The following UNC80 variants were observed in gnomAD, a reference collection of about 807,000 sequenced individuals.
UNC80 encodes the protein protein unc-80 homolog.
A neutral mutation model predicts 384.6 loss-of-function variants in UNC80; 164 were observed. The ratio of observed to expected loss-of-function variants is 0.43; its 90% confidence interval spans 0.38 to 0.49. UNC80 has a LOEUF of 0.49. Among genes scored for constraint, UNC80 ranks in the 20% least tolerant of loss-of-function variants. The pLI is 0.00. For synonymous variants in UNC80, 1,486 were observed against 1,527.8 expected (o/e 0.97, Z 0.64); for missense variants, 3,330 against 4,143.0 (o/e 0.80, Z 5.39).
At chr2:209,881,681 T>C (rs1308363719) in intron 25 of UNC80, among the ~76,000 whole-genome samples, 1 of 151,992 alleles carries the variant, frequency 6.6e-6, no homozygotes, top group Non-Finnish European at 1.5e-5. Context: ...TCCTGTGTGG[T>C]ATACCATGAA....
chr2:209,833,428 G>A (rs1048978363), intron 16 of UNC80, among the ~76,000 whole-genome samples: 33 of 152,120 alleles, frequency 2.2e-4, no homozygotes, highest in African/African-American at 7.5e-4. Flanking sequence ...ATAGCCCTAC[G>A]TCACCTTCAG....
At chr2:209,865,338 C>T (rs2083654565) in intron 22 of UNC80, among the ~76,000 whole-genome samples, 1 of 152,102 alleles carries the variant, frequency 6.6e-6, no homozygotes, top group African/African-American at 2.4e-5. Flanking sequence ...CGCGATGGCT[C>T]ATGCCTGTAA....
intron 33 of UNC80, among the ~76,000 whole-genome samples, chr2:209,919,993 A>G (rs928754503): frequency 4.6e-5 from 7 of 152,256 alleles, no homozygotes; most frequent in Admixed American, 4.6e-4. Flanking sequence ...CTGGCTCTGA[A>G]AATGGATTGT....
At chr2:209,787,889 A>C (rs11680964) in intron 5 of UNC80, among the ~76,000 whole-genome samples, 22,327 of 152,100 alleles carry the variant, frequency 0.15, 2,458 homozygotes, top group African/African-American at 0.3. Flanking sequence ...TTAGGCAGGT[A>C]TTTTAGGAGA....
chr2:209,845,704 A>AT (rs1456604521), intron 21 of UNC80, among the ~76,000 whole-genome samples: 1 of 152,198 alleles, frequency 6.6e-6, no homozygotes, highest in South Asian at 2.1e-4. Context: ...GCAAGAGAAT[A>AT]TAGCTTGTAT....
At chr2:209,939,707 T>G in intron 43 of UNC80, 55 bp downstream of exon 43, 1 of 1,437,190 alleles carries the variant, frequency 7.0e-7, no homozygotes, top group Non-Finnish European at 9.2e-7. Context: ...CACTTGTTGT[T>G]TTTTTTTAAA....
At chr2:209,986,508 T>C (rs1486351680) in intron 61 of UNC80, among the ~76,000 whole-genome samples, 1 of 152,228 alleles carries the variant, frequency 6.6e-6, no homozygotes, top group African/African-American at 2.4e-5. Flanking sequence ...AATGGAAATA[T>C]ACACAAAGTT....
At chr2:209,985,650 C>T (rs1187708644) in intron 61 of UNC80, among the ~76,000 whole-genome samples, 1 of 152,210 alleles carries the variant, frequency 6.6e-6, no homozygotes, top group African/African-American at 2.4e-5. Flanking sequence ...AGATAAACCA[C>T]GTCAAACATT....
intron 28 of UNC80, among the ~76,000 whole-genome samples, chr2:209,900,317 C>T (rs2087251616): frequency 6.6e-6 from 1 of 152,110 alleles, no homozygotes; most frequent in African/African-American, 2.4e-5. Context: ...CTTTGTGTCT[C>T]TGTGGCACAT....
chr2:209,992,321 A>G (rs1182996639), intron 62 of UNC80, 74 bp downstream of exon 62: 2 of 1,367,726 alleles, frequency 1.5e-6, no homozygotes, highest in Non-Finnish European at 2.0e-6. Flanking sequence ...ATGCCCATGT[A>G]TATTAAGATA....
intron 36 of UNC80, among the ~76,000 whole-genome samples, chr2:209,928,382 G>A (rs1170351644): frequency 6.6e-6 from 1 of 152,064 alleles, no homozygotes; most frequent in African/African-American, 2.4e-5. Context: ...TATATTTCAT[G>A]TATGTGAAAT....
At chr2:209,862,339 T>G (rs548406921) in intron 22 of UNC80, among the ~76,000 whole-genome samples, 1 of 152,314 alleles carries the variant, frequency 6.6e-6, no homozygotes, top group African/African-American at 2.4e-5. Flanking sequence ...CTATTAGGTC[T>G]GCTTGGTCCA....
chr2:209,938,457 C>T (rs1023675128), intron 42 of UNC80, among the ~76,000 whole-genome samples: 1 of 152,044 alleles, frequency 6.6e-6, no homozygotes, highest in African/African-American at 2.4e-5. Flanking sequence ...TAGAATTAGA[C>T]CACTTAAGTA....
chr2:209,827,004 A>G (rs1401572196), intron 14 of UNC80, among the ~76,000 whole-genome samples: 45 of 151,626 alleles, frequency 3.0e-4, no homozygotes. Flanking sequence ...CTATCTATCT[A>G]TCCTTTTCTG....
intron 35 of UNC80, 127 bp downstream of exon 35, chr2:209,922,510 TA>T (rs979224209): frequency 6.9e-5 from 82 of 1,181,892 alleles, no homozygotes; most frequent in South Asian, 2.4e-4. Flanking sequence ...CTTGACATTC[TA>T]AAAAAAATTA....
chr2:209,834,885 A>T (rs1158386137), intron 17 of UNC80, 27 bp from the exon 18 acceptor site: 1 of 1,522,978 alleles, frequency 6.6e-7, no homozygotes, highest in Non-Finnish European at 8.9e-7. Flanking sequence ...GCTCTGCTGT[A>T]ATTGTTGGAA....
Position 209,820,594 on chromosome 2 carries a change from ATGGAGGAGG to A in UNC80, c.2258_2266del (p.Gly753_Gly755del). The stretch of plus-strand genomic sequence containing the variant: ...GGAGGAGAAGAAGGAGGAGGTGGAG[ATGGAGGAGG>A]TGGAGGAGGTGATGGAGGAGGAGGT... On this transcript the variant is annotated inframe_deletion, in exon 13 of 65. Coordinates refer to ENST00000673920, the MANE Select transcript of UNC80 (RefSeq NM_001371986.1). 5.2e-6 allele frequency: 8 copies of A among 1,547,078 alleles called. No homozygotes were observed. The highest frequency in any genetic ancestry group is 7.0e-6 in the Non-Finnish European group (8 of 1,144,572).
chr2:209,818,979 T>C lies in UNC80; in HGVS notation c.1694-14T>C. ...AATGTAGGGAGAACTAAGACATTGC[T>C]TTCATTTTATTAGTGCGATCTCAGA... On this transcript the variant is annotated splice_polypyrimidine_tract_variant and intron_variant, in intron 11 of 64. Coordinates refer to ENST00000673920, the MANE Select transcript of UNC80 (RefSeq NM_001371986.1). The C allele has an allele frequency of 1.3e-6, 2 of 1,549,384 alleles. No individual in the cohort carries two copies. Among genetic ancestry groups the C allele is most frequent in the Non-Finnish European group, 1.7e-6 (2 of 1,145,260 alleles).
intron 7 of UNC80, among the ~76,000 whole-genome samples, chr2:209,812,143 G>A (rs1344140528): frequency 6.6e-6 from 1 of 151,960 alleles, no homozygotes; most frequent in Non-Finnish European, 1.5e-5. Flanking sequence ...TCCGCCTCCC[G>A]GGTTCACGCC....
Sources: gnomAD v4.1 joint callset for allele counts (sites outside exome capture counted in the v4.1 genomes callset) on GRCh38, gnomAD v4.1.1 for gene constraint, MANE v1.5 for transcripts, NCBI Gene and HGNC (gene_info 2026-07-23, HGNC 2026-07-21) for gene names.